Variants in ST7 observed in about 807,000 individuals in gnomAD.
The protein encoded by ST7 is suppressor of tumorigenicity 7 protein.
Under a neutral mutation model 78.7 loss-of-function variants are expected in ST7, and 28 were observed. The ratio of observed to expected loss-of-function variants is 0.36; its 90% CI spans 0.26 to 0.49. The LOEUF (loss-of-function observed/expected upper bound fraction) is 0.49, where lower values mean the gene tolerates loss of function less well. Among genes scored for constraint, ST7 ranks in the 20% least tolerant of loss-of-function variants. ST7 has a pLI of 0.99. For missense variants in ST7, 418 were observed against 696.0 expected, an observed-to-expected ratio of 0.60 and a Z score of 4.49; for synonymous variants, 247 against 249.6, an observed-to-expected ratio of 0.99 and a Z score of 0.10.
At chr7:117,204,351 G>T (rs1791532714) in intron 12 of ST7, among the ~76,000 whole-genome samples, 1 of 152,152 alleles carries the variant, frequency 6.6e-6, no homozygotes, top group Admixed American at 6.5e-5. Flanking sequence ...AAACCAGCAA[G>T]GTGTGTTTTT....
intron 1 of ST7, among the ~76,000 whole-genome samples, chr7:117,041,153 T>C (rs1043899424): frequency 6.6e-6 from 1 of 152,160 alleles, no homozygotes; most frequent in Non-Finnish European, 1.5e-5. Context: ...TGCAAGGATA[T>C]CAGCTGATTT....
intron 1 of ST7, among the ~76,000 whole-genome samples, chr7:117,057,033 C>T (rs188307643): frequency 9.2e-5 from 14 of 152,098 alleles, no homozygotes; most frequent in Middle Eastern, 3.4e-3. Flanking sequence ...GAGATACAGT[C>T]GGTGGTTATC....
At chr7:117,070,864 A>AGTAAATT (rs1798907130) in intron 1 of ST7, among the ~76,000 whole-genome samples, 1 of 152,106 alleles carries the variant, frequency 6.6e-6, no homozygotes, top group Non-Finnish European at 1.5e-5. Context: ...GTTTAACAGT[A>AGTAAATT]GTAAATTGTA....
intron 1 of ST7, among the ~76,000 whole-genome samples, chr7:117,030,420 A>G (rs913776314): frequency 2.0e-5 from 3 of 152,228 alleles, no homozygotes. Flanking sequence ...AGATTTCACT[A>G]AACAGATGTT....
intron 9 of ST7, chr7:117,145,271 C>T (rs572213890): frequency 2.6e-5 from 4 of 152,246 alleles, no homozygotes; most frequent in African/African-American, 7.2e-5. Flanking sequence ...ACTTCATCCA[C>T]CTAGAATTTT....
At chr7:117,184,008 A>G (rs1357492963) in intron 10 of ST7, 1 of 152,220 alleles carries the variant, frequency 6.6e-6, no homozygotes, top group African/African-American at 2.4e-5. Context: ...AATGAGTACA[A>G]AAATGAGTCT....
intron 1 of ST7, among the ~76,000 whole-genome samples, chr7:117,043,137 C>G (rs1797315789): frequency 6.6e-6 from 1 of 152,148 alleles, no homozygotes; most frequent in East Asian, 1.9e-4. Context: ...TGAATCATCA[C>G]AAAACACATG....
At chr7:117,183,208 T>A (rs1808928041) in intron 10 of ST7, among the ~76,000 whole-genome samples, 1 of 151,970 alleles carries the variant, frequency 6.6e-6, no homozygotes, top group African/African-American at 2.4e-5. Context: ...GGCAGAACAG[T>A]TGAGGACATG....
intron 9 of ST7, among the ~76,000 whole-genome samples, chr7:117,168,844 T>C (rs1807763119): frequency 6.6e-6 from 1 of 152,276 alleles, no homozygotes; most frequent in African/African-American, 2.4e-5. Context: ...CAATGCAGTG[T>C]ATTCACTGAT....
intron 9 of ST7, among the ~76,000 whole-genome samples, chr7:117,141,454 C>T (rs991236471): frequency 1.3e-5 from 2 of 152,124 alleles, no homozygotes; most frequent in Non-Finnish European, 2.9e-5. Flanking sequence ...GTAAACACGT[C>T]GACTCCTTAA....
At chr7:117,057,165 AG>A in intron 1 of ST7, among the ~76,000 whole-genome samples, 1 of 152,290 alleles carries the variant, frequency 6.6e-6, no homozygotes, top group Middle Eastern at 3.4e-3. Flanking sequence ...GCCAATTTAA[AG>A]GTTTTCATAT....
intron 13 of ST7, among the ~76,000 whole-genome samples, chr7:117,212,577 A>T (rs765897579): frequency 6.6e-6 from 1 of 152,198 alleles, no homozygotes; most frequent in Non-Finnish European, 1.5e-5. Flanking sequence ...AACATTTTAA[A>T]TATCGAATGA....
In ST7 at chr7:117,085,967, A is replaced by G. The variant is rs139132767; in HGVS notation, c.152-13795A>G. On this transcript the variant is annotated intron_variant, in intron 1 of 15. Coordinates refer to ENST00000323984, the MANE Select transcript of ST7 (RefSeq NM_001369598.1). The stretch of plus-strand genomic sequence containing the variant: ...ATTAAAAACTAGAGAAAATAGACAT[A>G]GAATTTTAAGCCTAGCTAGTAATCA... 2.8e-4 allele frequency among the ~76,000 whole-genome samples: 42 copies of G among 152,316 alleles called. 2 individuals are homozygous for G. The East Asian group carries it at 7.9e-3, about 29-fold the overall frequency.
At chr7:117,189,297 T>C (rs1414572359) in intron 10 of ST7, 24 bp from the exon 11 acceptor site, 2 of 1,582,296 alleles carry the variant, frequency 1.3e-6, no homozygotes, top group Non-Finnish European at 8.6e-7. Flanking sequence ...ACTTATGTGT[T>C]CCTACTTTCT....
intron 10 of ST7, chr7:117,173,476 C>T (rs540935565): frequency 6.6e-6 from 1 of 152,352 alleles, no homozygotes; most frequent in African/African-American, 2.4e-5. Context: ...CACCCCATAT[C>T]ATGAAATGGG....
At chr7:117,147,382 C>T (rs10260934) in intron 9 of ST7, among the ~76,000 whole-genome samples, 18,379 of 152,126 alleles carry the variant, frequency 0.12, 2,028 homozygotes, top group African/African-American at 0.29. Flanking sequence ...TTCAGAATGG[C>T]TGCCTATGAT....
At chr7:117,124,851 T>C (rs1394487508) in intron 3 of ST7, among the ~76,000 whole-genome samples, 1 of 152,208 alleles carries the variant, frequency 6.6e-6, no homozygotes, top group Non-Finnish European at 1.5e-5. Context: ...CCAGATGAGC[T>C]GATTTCTCTA....
chr7:116,991,092 C>G (rs149466758), intron 1 of ST7, among the ~76,000 whole-genome samples: 1 of 152,300 alleles, frequency 6.6e-6, no homozygotes, highest in African/African-American at 2.4e-5. Context: ...GCATAGTACT[C>G]CATTGTATGA....
At chr7:117,115,757 C>T (rs1267832517) in intron 2 of ST7, among the ~76,000 whole-genome samples, 1 of 152,038 alleles carries the variant, frequency 6.6e-6, no homozygotes, top group African/African-American at 2.4e-5. Context: ...ATTTTTTTCC[C>T]CTAACACAAA....
Sources: gnomAD v4.1 joint callset for allele counts (sites outside exome capture counted in the v4.1 genomes callset) on GRCh38, gnomAD v4.1.1 for gene constraint, MANE v1.5 for transcripts, NCBI Gene and HGNC (gene_info 2026-07-23, HGNC 2026-07-21) for gene names.